The following PCDHA3 variants were observed in gnomAD, a reference collection of about 807,000 sequenced individuals.
The protein encoded by PCDHA3 is protocadherin alpha 3.
In PCDHA3, 41 loss-of-function variants were observed where a neutral mutation model predicts 62.2. That is an observed-to-expected ratio of 0.66 (90% CI 0.51 to 0.86). The LOEUF (loss-of-function observed/expected upper bound fraction) is 0.86. Ranked by LOEUF, PCDHA3 falls within the 40% of genes least tolerant of loss-of-function variation. PCDHA3 has a pLI of 0.00. For missense variants in PCDHA3, 1,304 were observed against 1,241.2 expected, an observed-to-expected ratio of 1.05 and a Z score of -0.76; for synonymous variants, 640 against 555.4, an observed-to-expected ratio of 1.15 and a Z score of -2.14.
intron 1 of PCDHA3, chr5:140,848,033 C>T (rs1781291079): frequency 6.3e-6 from 1 of 158,434 alleles, no homozygotes; most frequent in Non-Finnish European, 1.4e-5. Flanking sequence ...CGTGATTGCT[C>T]AATGGAATCA....
intron 1 of PCDHA3, among the ~76,000 whole-genome samples, chr5:140,901,864 C>G (rs782513656): frequency 4.6e-4 from 70 of 152,126 alleles, no homozygotes; most frequent in Non-Finnish European, 5.7e-4. Flanking sequence ...TTTGTGTCCT[C>G]TTCAATTTCT....
intron 1 of PCDHA3, among the ~76,000 whole-genome samples, chr5:140,917,197 C>T (rs928492760): frequency 2.6e-5 from 4 of 152,236 alleles, no homozygotes; most frequent in African/African-American, 7.2e-5. Flanking sequence ...TCTCTCCAAC[C>T]CTCTTCAATG....
At chr5:140,951,560 C>T (rs2094602519) in intron 1 of PCDHA3, among the ~76,000 whole-genome samples, 1 of 151,998 alleles carries the variant, frequency 6.6e-6, no homozygotes. Flanking sequence ...AAGTGCTACG[C>T]ACTTTTAAAC....
At chr5:140,808,069 C>T (rs781875261) in intron 1 of PCDHA3, 4 of 1,613,996 alleles carry the variant, frequency 2.5e-6, no homozygotes, top group South Asian at 2.2e-5. Context: ...CCAAGTTTCA[C>T]ATAGATCCAA....
chr5:141,002,189 C>T (rs1277871243), intron 3 of PCDHA3, among the ~76,000 whole-genome samples: 4 of 152,220 alleles, frequency 2.6e-5, no homozygotes, highest in African/African-American at 9.6e-5. Flanking sequence ...TGCTGTCTGG[C>T]AAGATAGTCC....
chr5:140,908,287 C>G (rs781987945), intron 1 of PCDHA3, among the ~76,000 whole-genome samples: 1 of 152,136 alleles, frequency 6.6e-6, no homozygotes, highest in African/African-American at 2.4e-5. Flanking sequence ...TTGTTGCAAG[C>G]TGGGGAAGAG....
chr5:140,808,288 A>T lies in PCDHA3; in HGVS notation c.2394+4697A>T, dbSNP rs558368173. 3.7e-5 allele frequency: 59 copies of T among 1,614,276 alleles called. No homozygotes were observed. In the East Asian group the frequency reaches 1.2e-3, roughly 32 times the overall value. ...TTAGAGAGGACGCTCCACTGGGTAC[A>T]GTCATCGCCCTGATCAGCGTGTCCG... On this transcript the variant is annotated intron_variant, in intron 1 of 3. Coordinates refer to ENST00000522353, the MANE Select transcript of PCDHA3 (RefSeq NM_018906.3).
chr5:140,885,049 A>T (rs1001120267), intron 1 of PCDHA3, among the ~76,000 whole-genome samples: 56 of 152,352 alleles, frequency 3.7e-4, no homozygotes, highest in African/African-American at 1.2e-3. Context: ...TTTAATGTAT[A>T]CATATACCCA....
chr5:140,830,459 G>T (rs1554132838), intron 1 of PCDHA3: 6 of 1,580,018 alleles, frequency 3.8e-6, no homozygotes, highest in Non-Finnish European at 5.2e-6. Flanking sequence ...GGAGAATCAG[G>T]ATTTAAATGA....
intron 1 of PCDHA3, chr5:140,867,619 C>G (rs1554161426): frequency 6.6e-6 from 1 of 152,174 alleles, no homozygotes; most frequent in African/African-American, 2.4e-5. Context: ...AACTATAGAA[C>G]AAAATATTTA....
intron 1 of PCDHA3, chr5:140,877,000 G>C: frequency 6.2e-7 from 1 of 1,612,598 alleles, no homozygotes; most frequent in Non-Finnish European, 8.5e-7. Flanking sequence ...CTACGTGTCG[G>C]TGCACGCGGA....
At chr5:140,935,080 C>T (rs1163743447) in intron 1 of PCDHA3, among the ~76,000 whole-genome samples, 1 of 152,076 alleles carries the variant, frequency 6.6e-6, no homozygotes, top group Non-Finnish European at 1.5e-5. Flanking sequence ...TGTACATTTC[C>T]TTTCCCAGAA....
At chr5:140,881,392 A>G (rs2058698624) in intron 1 of PCDHA3, 2 of 979,256 alleles carry the variant, frequency 2.0e-6, no homozygotes. Context: ...CGGTAAGTTA[A>G]ATTCTATTAA....
chr5:140,805,112 C>A (rs782558410), intron 1 of PCDHA3: 4 of 1,589,274 alleles, frequency 2.5e-6, no homozygotes, highest in Admixed American at 3.4e-5. Context: ...TATTGTCTAA[C>A]AAGACTCTTG....
At chr5:140,892,819 A>G (rs551280418) in intron 1 of PCDHA3, among the ~76,000 whole-genome samples, 2 of 152,304 alleles carry the variant, frequency 1.3e-5, no homozygotes, top group South Asian at 4.1e-4. Context: ...TTTATCCTAC[A>G]GTGCTACAGT....
At chr5:140,942,467 A>C (rs1428565418) in intron 1 of PCDHA3, among the ~76,000 whole-genome samples, 1 of 152,142 alleles carries the variant, frequency 6.6e-6, no homozygotes, top group Non-Finnish European at 1.5e-5. Context: ...AATACAATCA[A>C]ATTCAAGCTA....
intron 1 of PCDHA3, chr5:140,865,952 T>C (rs2049067031): frequency 6.6e-6 from 1 of 152,220 alleles, no homozygotes; most frequent in Non-Finnish European, 1.5e-5. Context: ...GTCTTCATCA[T>C]TAATTTTGTA....
chr5:140,850,112 C>G, intron 1 of PCDHA3: 1 of 1,596,024 alleles, frequency 6.3e-7, no homozygotes, highest in Non-Finnish European at 8.6e-7. Context: ...GCGCGCGCGA[C>G]GCGGGCGTGC....
At chr5:140,837,768 C>T (rs1391486118) in intron 1 of PCDHA3, among the ~76,000 whole-genome samples, 1 of 151,702 alleles carries the variant, frequency 6.6e-6, no homozygotes, top group Non-Finnish European at 1.5e-5. Flanking sequence ...CCTGAAAGTC[C>T]TGGGCTCACA....
Sources: gnomAD v4.1 joint callset for allele counts (sites outside exome capture counted in the v4.1 genomes callset) on GRCh38, gnomAD v4.1.1 for gene constraint, MANE v1.5 for transcripts, NCBI Gene and HGNC (gene_info 2026-07-23, HGNC 2026-07-21) for gene names.